VAV2: variants seen among roughly 807,000 people sequenced by gnomAD.
The protein encoded by VAV2 is guanine nucleotide exchange factor VAV2.
VAV2 carries 67 observed loss-of-function variants against 132.5 expected under a neutral mutation model. The observed-to-expected ratio is 0.51, with a 90% CI of 0.42 to 0.62. The LOEUF (loss-of-function observed/expected upper bound fraction) is 0.62. VAV2 is among the 20% of genes least tolerant of loss of function. VAV2 has a pLI of 0.00. For synonymous variants in VAV2, 492 were observed against 443.5 expected (o/e 1.11, Z -1.37); for missense variants, 938 against 1,153.6 (o/e 0.81, Z 2.71).
chr9:133,928,377 G>A lies in VAV2; in HGVS notation c.321+10726C>T, dbSNP rs1265312945. 2.0e-5 allele frequency among the ~76,000 whole-genome samples: 3 copies of A among 152,310 alleles called. No individual in the cohort carries two copies. The highest frequency in any genetic ancestry group is 1.9e-4 in the East Asian group (1 of 5,172). On this transcript the variant is annotated intron_variant, in intron 2 of 29. Coordinates refer to ENST00000371850, the MANE Select transcript of VAV2 (RefSeq NM_001134398.2). The surrounding 1 kb of genome is among the most constrained non-coding windows in gnomAD (Gnocchi z 5.4). Reference sequence around the variant, plus strand: ...GAAGGCCTTTGCCAACAGCCCCTGCGCCGGGCTCTGCCGGGAGCCTGAGGC... The same window carrying A: ...GAAGGCCTTTGCCAACAGCCCCTGCACCGGGCTCTGCCGGGAGCCTGAGGC...
intron 3 of VAV2, chr9:133,861,150 G>A (rs951909762): frequency 2.3e-5 from 11 of 476,496 alleles, no homozygotes; most frequent in South Asian, 7.5e-5. Context: ...TTTTGCAGCC[G>A]TCAGTAACAT....
chr9:133,772,099 G>T, intron 25 of VAV2, 53 bp from the exon 26 acceptor site: 2 of 1,483,324 alleles, frequency 1.3e-6, no homozygotes, highest in Non-Finnish European at 9.4e-7. Flanking sequence ...CACGGCCCCG[G>T]CCCCCTTGGC....
At chr9:133,813,356 G>A (rs1007914992) in intron 4 of VAV2, among the ~76,000 whole-genome samples, 2 of 152,254 alleles carry the variant, frequency 1.3e-5, no homozygotes, top group African/African-American at 4.8e-5. Flanking sequence ...AGCAATCCCT[G>A]CGGTACTCAG....
At chr9:133,937,015 T>C (rs1840935873) in intron 2 of VAV2, among the ~76,000 whole-genome samples, 1 of 152,258 alleles carries the variant, frequency 6.6e-6, no homozygotes, top group Non-Finnish European at 1.5e-5. Context: ...TCCAAATTTA[T>C]GTACGTCTTA....
intron 4 of VAV2, among the ~76,000 whole-genome samples, chr9:133,814,047 C>T (rs1835461752): frequency 1.3e-5 from 2 of 152,118 alleles, no homozygotes; most frequent in Non-Finnish European, 2.9e-5. Flanking sequence ...ATCTGGGTGT[C>T]GCTCAGCCGT....
At chr9:133,821,644 C>A (rs1281730457) in intron 4 of VAV2, among the ~76,000 whole-genome samples, 2 of 152,234 alleles carry the variant, frequency 1.3e-5, no homozygotes, top group Non-Finnish European at 2.9e-5. Context: ...TTAAAAATGA[C>A]AGATTTTTTA....
intron 1 of VAV2, among the ~76,000 whole-genome samples, chr9:133,959,643 C>T (rs1841901511): frequency 6.6e-6 from 1 of 152,226 alleles, no homozygotes. Flanking sequence ...AACCTCCAAA[C>T]GTGACCTGAT....
At chr9:133,808,445 G>A (rs1301785974) in intron 7 of VAV2, among the ~76,000 whole-genome samples, 2 of 152,374 alleles carry the variant, frequency 1.3e-5, no homozygotes, top group East Asian at 3.9e-4. Flanking sequence ...CCCAGGGCCA[G>A]GTTGACCAGG....
chr9:133,796,605 G>A, intron 10 of VAV2, 81 bp from the exon 11 acceptor site: 1 of 1,314,886 alleles, frequency 7.6e-7, no homozygotes, highest in Non-Finnish European at 1.0e-6. Flanking sequence ...CCCACAGAGA[G>A]GGGAGACCTA....
chr9:133,961,005 G>A lies in VAV2; in HGVS notation c.205-21786C>T, dbSNP rs578079278. The stretch of plus-strand genomic sequence containing the variant: ...GAGGAATGGTGACCACAGGTCTGCC[G>A]CCTTGCAATGCGACGCCTGCCTGGG... On this transcript the variant is annotated intron_variant, in intron 1 of 29. Transcript: ENST00000371850. This position sits in a 1 kb window ranked among gnomAD's most constrained non-coding sequence, Gnocchi z 4.1. Among the ~76,000 whole-genome samples, 20 of 152,328 alleles carry A rather than the reference G, an allele frequency of 1.3e-4. No individual in the cohort carries two copies. The highest frequency in any genetic ancestry group is 3.8e-4 in the African/African-American group (16 of 41,582).
At position 133,834,912 on chromosome 9, in the gene VAV2, G is replaced by A. The variant is rs1026512574; in HGVS notation, c.381-572C>T. 4.6e-5 allele frequency among the ~76,000 whole-genome samples: 7 copies of A among 152,264 alleles called. No homozygotes were observed. In the East Asian group the frequency reaches 5.8e-4, roughly 13 times the overall value. On this transcript the variant is annotated intron_variant, in intron 3 of 29. Coordinates refer to ENST00000371850, the MANE Select transcript of VAV2 (RefSeq NM_001134398.2). The surrounding 1 kb of genome is among the most constrained non-coding windows in gnomAD (Gnocchi z 5.9). ...AAAATGAAAAGCCCTCGGACCTTCC[G>A]CCTGGATCCACAGCCTCCCCTCCTA...
At chr9:133,878,148 C>T (rs1838338329) in intron 2 of VAV2, among the ~76,000 whole-genome samples, 6 of 152,214 alleles carry the variant, frequency 3.9e-5, no homozygotes, top group Admixed American at 3.3e-4. Flanking sequence ...CAGCACTCTC[C>T]GCCGGCCTGC....
rs1321848587 is a variant in VAV2 at position 133,885,379 on chromosome 9, C to T, written c.322-23947G>A. 2.6e-5 allele frequency among the ~76,000 whole-genome samples: 4 copies of T among 152,224 alleles called. No individual in the cohort carries two copies. The highest frequency in any genetic ancestry group is 4.4e-5 in the Non-Finnish European group (3 of 68,042). On this transcript the variant is annotated intron_variant, in intron 2 of 29. Coordinates refer to ENST00000371850, the MANE Select transcript of VAV2 (RefSeq NM_001134398.2). This position sits in a 1 kb window ranked among gnomAD's most constrained non-coding sequence, Gnocchi z 5.0. ...GTGTACTCAGGCATCCCTGTCACATCGATGAGCAAACATGGCCCAGCGATT... is the reference window on the plus strand; with the variant it reads ...GTGTACTCAGGCATCCCTGTCACATTGATGAGCAAACATGGCCCAGCGATT...
In VAV2 at chr9:133,961,453, C is replaced by T. The variant is rs1429941249; in HGVS notation, c.205-22234G>A. ...GCATCTGGGGCTGCAGACCAGAGGG[C>T]CCTGGAATCCCCTTCTCCAACCCAG... On this transcript the variant is annotated intron_variant, in intron 1 of 29. Coordinates refer to ENST00000371850, the MANE Select transcript of VAV2 (RefSeq NM_001134398.2). The surrounding 1 kb of genome is among the most constrained non-coding windows in gnomAD (Gnocchi z 4.1). Among the ~76,000 whole-genome samples the T allele has an allele frequency of 6.6e-6, 1 of 152,160 alleles. No homozygotes were observed. The highest frequency in any genetic ancestry group is 1.9e-4 in the East Asian group (1 of 5,174).
rs927423831 is a variant in VAV2, at chr9:133,928,844, G to A, written c.321+10259C>T. On this transcript the variant is annotated intron_variant, in intron 2 of 29. Transcript: ENST00000371850. This position sits in a 1 kb window ranked among gnomAD's most constrained non-coding sequence, Gnocchi z 5.4. ...GACGCAGGGCAGGTGGATGGTGGGT[G>A]TGGGGCAGGATACACTGGCCGGGTG... Among the ~76,000 whole-genome samples, 3 of 152,214 alleles carry A rather than the reference G, an allele frequency of 2.0e-5. No homozygotes were observed. Among genetic ancestry groups the A allele is most frequent in the African/African-American group, 7.2e-5 (3 of 41,442 alleles).
At chr9:133,901,298 C>A (rs1839432372) in intron 2 of VAV2, among the ~76,000 whole-genome samples, 1 of 152,218 alleles carries the variant, frequency 6.6e-6, no homozygotes, top group Admixed American at 6.5e-5. Context: ...CCCCACGGGT[C>A]TCCTCAGATC....
At chr9:133,821,169 C>A (rs944872557) in intron 4 of VAV2, among the ~76,000 whole-genome samples, 8 of 152,216 alleles carry the variant, frequency 5.3e-5, no homozygotes, top group Non-Finnish European at 1.2e-4. Flanking sequence ...ATCAGTGTCT[C>A]GGCTAGAAAG....
chr9:133,797,602 A>G, intron 10 of VAV2, 108 bp downstream of exon 10: 1 of 978,440 alleles, frequency 1.0e-6, no homozygotes, highest in Non-Finnish European at 1.5e-6. Flanking sequence ...CACCCCCATC[A>G]CCACCTTCCC....
intron 2 of VAV2, among the ~76,000 whole-genome samples, chr9:133,899,021 C>T (rs1337612646): frequency 6.6e-6 from 1 of 151,760 alleles, no homozygotes; most frequent in Non-Finnish European, 1.5e-5. Flanking sequence ...TGGGGTTTCA[C>T]CACGTTAGCC....
Sources: gnomAD v4.1 joint callset for allele counts (sites outside exome capture counted in the v4.1 genomes callset) on GRCh38, gnomAD v4.1.1 for gene constraint, Gnocchi (gnomAD v3.1) non-coding constraint, MANE v1.5 for transcripts, NCBI Gene and HGNC (gene_info 2026-07-23, HGNC 2026-07-21) for gene names.